The following AP4E1 variants were observed in gnomAD, a reference collection of about 807,000 sequenced individuals.
The protein encoded by AP4E1 is adaptor related protein complex 4 subunit epsilon 1, also known as AP-4 complex subunit epsilon-1.
In AP4E1, 56 loss-of-function variants were observed where a neutral mutation model predicts 128.2. The ratio of observed to expected loss-of-function variants is 0.44; its 90% CI spans 0.35 to 0.55. AP4E1 has a LOEUF of 0.55. Among genes scored for constraint, AP4E1 ranks in the 20% least tolerant of loss-of-function variants. The probability of loss-of-function intolerance (pLI) is 0.00; values close to 1 mark genes in which losing one functional copy is unlikely to be tolerated. For synonymous variants in AP4E1, 484 were observed against 473.1 expected, an observed-to-expected ratio of 1.02 and a Z score of -0.30; for missense variants, 1,324 against 1,307.7, an observed-to-expected ratio of 1.01 and a Z score of -0.19.
chr15:50,976,965 T>C (rs1300252173), intron 15 of AP4E1, among the ~76,000 whole-genome samples: 1 of 152,226 alleles, frequency 6.6e-6, no homozygotes, highest in African/African-American at 2.4e-5. Context: ...TTTTATATGT[T>C]ATTTAGCACA....
intron 17 of AP4E1, among the ~76,000 whole-genome samples, chr15:50,994,093 A>T (rs964379956): frequency 6.6e-6 from 1 of 152,244 alleles, no homozygotes; most frequent in Non-Finnish European, 1.5e-5. Flanking sequence ...AAATGAAAAA[A>T]TACTTAAATG....
At chr15:50,926,957 T>C (rs536775136) in intron 5 of AP4E1, among the ~76,000 whole-genome samples, 2 of 152,368 alleles carry the variant, frequency 1.3e-5, no homozygotes, top group African/African-American at 4.8e-5. Context: ...TTACTAAGAA[T>C]TACAGAATAA....
intron 18 of AP4E1, 86 bp from the exon 19 acceptor site, chr15:50,998,986 C>T (rs1272601378): frequency 7.7e-6 from 10 of 1,292,712 alleles, no homozygotes. Flanking sequence ...ATTTGTGCCA[C>T]TTCAATTAAA....
At chr15:50,921,784 T>C (rs2063705699) in intron 3 of AP4E1, among the ~76,000 whole-genome samples, 1 of 152,238 alleles carries the variant, frequency 6.6e-6, no homozygotes, top group Non-Finnish European at 1.5e-5. Context: ...AAATATATTT[T>C]GTAATCGTAG....
intron 14 of AP4E1, among the ~76,000 whole-genome samples, chr15:50,959,147 G>T (rs1408293072): frequency 1.3e-5 from 2 of 151,594 alleles, no homozygotes; most frequent in Non-Finnish European, 2.9e-5. Flanking sequence ...GGAGGCAGAG[G>T]TTGCAGTGAG....
chr15:50,953,758 A>G (rs2064181879), intron 13 of AP4E1, among the ~76,000 whole-genome samples: 1 of 152,248 alleles, frequency 6.6e-6, no homozygotes, highest in South Asian at 2.1e-4. Flanking sequence ...TCTTGACTTA[A>G]TGAGGAAAGA....
upstream of AP4E1, among the ~76,000 whole-genome samples, chr15:50,907,893 CT>C (rs2063507796): frequency 6.6e-6 from 1 of 152,188 alleles, no homozygotes; most frequent in African/African-American, 2.4e-5. Flanking sequence ...GAATAAAATA[CT>C]CTCTCTATGG....
At chr15:50,989,346 A>G (rs1231938454) in intron 16 of AP4E1, among the ~76,000 whole-genome samples, 1 of 152,142 alleles carries the variant, frequency 6.6e-6, no homozygotes, top group Non-Finnish European at 1.5e-5. Flanking sequence ...CAGTCATCTT[A>G]TTTTATGTTC....
At chr15:50,938,991 A>G (rs2063947380) in intron 8 of AP4E1, among the ~76,000 whole-genome samples, 1 of 152,234 alleles carries the variant, frequency 6.6e-6, no homozygotes, top group South Asian at 2.1e-4. Context: ...GAAGAACTTC[A>G]CATTTTGTTT....
At position 50,929,051 on chromosome 15, in the gene AP4E1, C is replaced by T. The variant is rs1301195194; in HGVS notation, c.585C>T (p.Phe195=). The T allele has an allele frequency of 1.2e-6, 2 of 1,613,764 alleles. No individual in the cohort carries two copies. Among genetic ancestry groups the T allele is most frequent in the Non-Finnish European group, 1.7e-6 (2 of 1,179,858 alleles). Residue 195 remains phenylalanine (F), a synonymous_variant, in exon 6 of 21, where the codon TTC becomes TTT. Coordinates refer to ENST00000261842, the MANE Select transcript of AP4E1 (RefSeq NM_007347.5). ...RRKAVLALYK[F]HLIAPNQVQH... Reference sequence around the variant, plus strand: ...AAGCTGTTCTGGCATTATACAAATTCCATCTCATTGCTCCTAATCAAGTAC... The same window carrying T: ...AAGCTGTTCTGGCATTATACAAATTTCATCTCATTGCTCCTAATCAAGTAC...
At chr15:50,982,542 A>C (rs779557683) in intron 15 of AP4E1, among the ~76,000 whole-genome samples, 17 of 152,176 alleles carry the variant, frequency 1.1e-4, no homozygotes, top group Non-Finnish European at 2.5e-4. Flanking sequence ...CAGTGAAGTA[A>C]GCTTGATCCT....
rs542529601 is a variant in AP4E1, at chr15:50,977,872, G to C, written c.1967-6150G>C. ...CAACTGGTGCATGCCACCACATCCA[G>C]CTAATTTTTGTATTTTTAGTAGCGA... On this transcript the variant is annotated intron_variant, in intron 15 of 20. Transcript: ENST00000261842. 3.9e-5 allele frequency among the ~76,000 whole-genome samples: 6 copies of C among 151,980 alleles called. No homozygotes were observed. The South Asian group carries it at 1.0e-3, about 26-fold the overall frequency.
chr15:50,948,027 A>C lies in AP4E1; in HGVS notation c.1184A>C (p.Glu395Ala), dbSNP rs1224433586. ...TTTTTCTTCTTTAAATAGACTCTGGAACTTCTTTACAGAATTACTAATGCA... is the reference window on the plus strand; with the variant it reads ...TTTTTCTTCTTTAAATAGACTCTGGCACTTCTTTACAGAATTACTAATGCA... ...PDPIIKRETL[E>A]LLYRITNAQN... The change falls in exon 11 of 21, where the codon GAA becomes GCA. Residue 395 changes from glutamate to alanine, a missense_variant. Coordinates refer to ENST00000261842, the MANE Select transcript of AP4E1 (RefSeq NM_007347.5). The C allele has an allele frequency of 6.2e-7, 1 of 1,600,724 alleles. No individual in the cohort carries two copies. Among genetic ancestry groups the C allele is most frequent in the Non-Finnish European group, 8.6e-7 (1 of 1,168,558 alleles).
intron 3 of AP4E1, among the ~76,000 whole-genome samples, chr15:50,916,153 C>G (rs1596454089): frequency 6.6e-6 from 1 of 152,096 alleles, no homozygotes; most frequent in Non-Finnish European, 1.5e-5. Context: ...TGGTCTTGAA[C>G]TCCTGGGCTC....
intron 11 of AP4E1, among the ~76,000 whole-genome samples, chr15:50,948,723 A>G (rs112466086): frequency 0.018 from 2,810 of 152,312 alleles, 103 homozygotes; most frequent in African/African-American, 0.064. Flanking sequence ...CTGTAATCCC[A>G]GCACTTTGGG....
At chr15:50,955,445 T>C (rs925175876) in intron 13 of AP4E1, among the ~76,000 whole-genome samples, 4 of 152,242 alleles carry the variant, frequency 2.6e-5, no homozygotes, top group Non-Finnish European at 5.9e-5. Context: ...ATGATCTATT[T>C]TGCTTTTTCT....
chr15:50,993,321 C>T, intron 16 of AP4E1, 49 bp from the exon 17 acceptor site: 1 of 1,603,778 alleles, frequency 6.2e-7, no homozygotes, highest in South Asian at 1.1e-5. Flanking sequence ...AAGAAAGTAA[C>T]TATTAGCAGT....
chr15:50,928,914 G>T, intron 5 of AP4E1, 95 bp from the exon 6 acceptor site: 1 of 1,135,324 alleles, frequency 8.8e-7, no homozygotes. Flanking sequence ...TTAAGGTAAT[G>T]AGCCAGTATT....
intron 14 of AP4E1, among the ~76,000 whole-genome samples, chr15:50,966,531 C>CTTTTTTT (rs11329556): frequency 2.1e-5 from 2 of 96,432 alleles, no homozygotes; most frequent in Admixed American, 1.1e-4. Flanking sequence ...TCTCAAGAAT[C>CTTTTTTT]TTTTTTTTTT....
Sources: gnomAD v4.1 joint callset for allele counts (sites outside exome capture counted in the v4.1 genomes callset) on GRCh38, gnomAD v4.1.1 for gene constraint, MANE v1.5 for transcripts, NCBI Gene and HGNC (gene_info 2026-07-23, HGNC 2026-07-21) for gene names.